NEGR1: variants seen among roughly 807,000 people sequenced by gnomAD.
The protein encoded by NEGR1 is neuronal growth regulator 1.
A neutral mutation model predicts 40.9 loss-of-function variants in NEGR1; 10 were observed. The ratio of observed to expected loss-of-function variants is 0.24; its 90% CI spans 0.15 to 0.42. NEGR1 has a LOEUF of 0.42. NEGR1 is among the 10% of genes least tolerant of loss of function. The pLI is 1.00. For synonymous variants in NEGR1, 185 were observed against 166.8 expected (o/e 1.11, Z -0.84); for missense variants, 352 against 438.9 (o/e 0.80, Z 1.77).
chr1:71,634,957 A>T (rs35556837), intron 4 of NEGR1, among the ~76,000 whole-genome samples: 1 of 152,112 alleles, frequency 6.6e-6, no homozygotes, highest in Admixed American at 6.6e-5. Context: ...GGAATAAGAA[A>T]CCAGGTTTGC....
At chr1:71,779,298 A>G (rs1291754960) in intron 2 of NEGR1, among the ~76,000 whole-genome samples, 1 of 152,192 alleles carries the variant, frequency 6.6e-6, no homozygotes, top group East Asian at 1.9e-4. Context: ...TCTTGACCCA[A>G]AGGAAATGCA....
chr1:71,817,157 A>G (rs528535974), intron 2 of NEGR1, among the ~76,000 whole-genome samples: 32 of 152,068 alleles, frequency 2.1e-4, no homozygotes, highest in African/African-American at 7.5e-4. Context: ...GTAGACATGG[A>G]GATGTGCTGT....
intron 3 of NEGR1, among the ~76,000 whole-genome samples, chr1:71,764,950 T>C (rs1298448237): frequency 2.0e-5 from 3 of 152,048 alleles, no homozygotes; most frequent in African/African-American, 7.2e-5. Flanking sequence ...GTGGATTTCA[T>C]ACAAAAACCA....
At chr1:71,705,814 GAGAAAGAA>G (rs142070045) in intron 3 of NEGR1, among the ~76,000 whole-genome samples, 57 of 150,578 alleles carry the variant, frequency 3.8e-4, no homozygotes, top group African/African-American at 9.8e-4. Flanking sequence ...AGAGAGGAAG[GAGAAAGAA>G]AGAAAGAAAG....
In NEGR1 at chr1:72,162,969, C is replaced by T. The variant is rs992600268; in HGVS notation, c.176+119350G>A. 2.6e-5 allele frequency among the ~76,000 whole-genome samples: 4 copies of T among 151,946 alleles called. No individual in the cohort carries two copies. The South Asian group carries it at 8.3e-4, about 32-fold the overall frequency. On this transcript the variant is annotated intron_variant, in intron 1 of 6. Transcript: ENST00000357731. ...CGTTATAAGGTAGGAATGCTGTGTT[C>T]TAGACAATTTTCTAGGGATGTTACA... is the stretch of plus-strand genomic sequence containing the variant.
At chr1:71,623,416 A>G (rs955349771) in intron 4 of NEGR1, among the ~76,000 whole-genome samples, 4 of 151,904 alleles carry the variant, frequency 2.6e-5, no homozygotes, top group Non-Finnish European at 4.4e-5. Context: ...TAATATTTCT[A>G]TATGGTTCAA....
intron 1 of NEGR1, among the ~76,000 whole-genome samples, chr1:71,964,131 T>C (rs1646191001): frequency 6.6e-6 from 1 of 152,172 alleles, no homozygotes; most frequent in South Asian, 2.1e-4. Context: ...CCAGTTCTCT[T>C]TGACCTCATT....
At chr1:71,861,872 GA>G (rs1450150749) in intron 2 of NEGR1, among the ~76,000 whole-genome samples, 2 of 151,786 alleles carry the variant, frequency 1.3e-5, no homozygotes, top group Admixed American at 6.6e-5. Context: ...TGTAAGAAAA[GA>G]AAAACCATGT....
intron 1 of NEGR1, among the ~76,000 whole-genome samples, chr1:72,112,037 A>G (rs1338286144): frequency 7.0e-6 from 1 of 143,112 alleles, no homozygotes; most frequent in Non-Finnish European, 1.6e-5. Context: ...AAAATGGGAC[A>G]GAATTGTTAA....
At chr1:71,723,291 C>A (rs1400344550) in intron 3 of NEGR1, among the ~76,000 whole-genome samples, 2 of 151,974 alleles carry the variant, frequency 1.3e-5, no homozygotes, top group African/African-American at 4.8e-5. Context: ...CTTGGAATTT[C>A]CTGAGTGATA....
At chr1:71,677,258 C>T (rs1021335585) in intron 4 of NEGR1, among the ~76,000 whole-genome samples, 1 of 152,098 alleles carries the variant, frequency 6.6e-6, no homozygotes, top group Admixed American at 6.6e-5. Flanking sequence ...TTTGTTCCCA[C>T]AATCTGGTCT....
chr1:72,195,137 C>G (rs189540954), intron 1 of NEGR1, among the ~76,000 whole-genome samples: 7 of 151,990 alleles, frequency 4.6e-5, no homozygotes, highest in Non-Finnish European at 8.8e-5. Context: ...GCCATTGAAA[C>G]AAGCCAATAA....
At position 72,160,219 on chromosome 1, in the gene NEGR1, C is replaced by T. The variant is rs574515172; in HGVS notation, c.176+122100G>A. 8.5e-4 allele frequency among the ~76,000 whole-genome samples: 129 copies of T among 152,210 alleles called. 1 individual carries two copies. The highest frequency in any genetic ancestry group is 2.9e-3 in the African/African-American group (122 of 41,544). Reference sequence around the variant, plus strand: ...ACAGCTGCTACCATCTCAGAAGAAACAGGAGTTGATGCGTGAACAATATTA... The same window carrying T: ...ACAGCTGCTACCATCTCAGAAGAAATAGGAGTTGATGCGTGAACAATATTA... On this transcript the variant is annotated intron_variant, in intron 1 of 6. Coordinates refer to ENST00000357731, the MANE Select transcript of NEGR1 (RefSeq NM_173808.3).
chr1:71,573,167 G>C (rs1400580439), intron 6 of NEGR1, among the ~76,000 whole-genome samples: 2 of 152,142 alleles, frequency 1.3e-5, no homozygotes, highest in Non-Finnish European at 1.5e-5. Context: ...AGGAAGCAGA[G>C]ATCTAGGACT....
intron 6 of NEGR1, among the ~76,000 whole-genome samples, chr1:71,570,010 T>C (rs935321992): frequency 3.9e-5 from 6 of 152,160 alleles, no homozygotes; most frequent in African/African-American, 1.4e-4. Flanking sequence ...ACTAGTTTTA[T>C]GACTGTCATC....
At chr1:71,888,442 A>G (rs1660799206) in intron 2 of NEGR1, among the ~76,000 whole-genome samples, 1 of 151,920 alleles carries the variant, frequency 6.6e-6, no homozygotes, top group Non-Finnish European at 1.5e-5. Context: ...TTCCGAGTCA[A>G]AGAAAGGGGT....
In NEGR1 at chr1:71,817,077, C is replaced by T. The variant is rs138382726; in HGVS notation, c.410-40780G>A. Among the ~76,000 whole-genome samples, 492 of 152,194 alleles carry T rather than the reference C, an allele frequency of 3.2e-3. 2 individuals are homozygous for T. Among genetic ancestry groups the T allele is most frequent in the Admixed American group, 7.9e-3 (121 of 15,266 alleles). On this transcript the variant is annotated intron_variant, in intron 2 of 6. Coordinates refer to ENST00000357731, the MANE Select transcript of NEGR1 (RefSeq NM_173808.3). ...TAGTTTGCATTCTCTCCTCAGCCCA[C>T]TCCAATCAGGTTTCCGTCTCTAACA... is the stretch of plus-strand genomic sequence containing the variant.
intron 6 of NEGR1, among the ~76,000 whole-genome samples, chr1:71,430,671 T>C (rs1222171374): frequency 6.7e-6 from 1 of 150,206 alleles, no homozygotes; most frequent in Non-Finnish European, 1.5e-5. Flanking sequence ...AAAAAAAAGT[T>C]GTGACTCTCC....
intron 6 of NEGR1, among the ~76,000 whole-genome samples, chr1:71,563,728 C>T (rs1307012616): frequency 6.6e-6 from 1 of 151,780 alleles, no homozygotes; most frequent in Non-Finnish European, 1.5e-5. Flanking sequence ...GGAATCTTGC[C>T]TTTCTAGTGT....
Sources: gnomAD v4.1 joint callset for allele counts (sites outside exome capture counted in the v4.1 genomes callset) on GRCh38, gnomAD v4.1.1 for gene constraint, MANE v1.5 for transcripts, NCBI Gene and HGNC (gene_info 2026-07-23, HGNC 2026-07-21) for gene names.